CCDC88C: variants seen among roughly 807,000 people sequenced by gnomAD.
The protein encoded by CCDC88C is protein Daple.
Under a neutral mutation model 198.8 loss-of-function variants are expected in CCDC88C, and 131 were observed. That is an observed-to-expected ratio of 0.66 (90% CI 0.57 to 0.76). The LOEUF is 0.76. CCDC88C is among the 30% of genes least tolerant of loss of function. CCDC88C has a pLI of 0.00. For missense variants in CCDC88C, 2,553 were observed against 2,631.6 expected, an observed-to-expected ratio of 0.97 and a Z score of 0.65; for synonymous variants, 1,166 against 1,114.7, an observed-to-expected ratio of 1.05 and a Z score of -0.92.
chr14:91,340,305 G>T (rs1345544411), intron 6 of CCDC88C, among the ~76,000 whole-genome samples: 2 of 151,916 alleles, frequency 1.3e-5, no homozygotes, highest in African/African-American at 4.8e-5. Flanking sequence ...AGGGTCCTGG[G>T]ATAAGATATC....
chr14:91,310,094 G>T, intron 15 of CCDC88C, 108 bp from the exon 16 acceptor site: 1 of 1,142,008 alleles, frequency 8.8e-7, no homozygotes, highest in Non-Finnish European at 1.2e-6. Flanking sequence ...GGCCACGGCT[G>T]CCTCCGTGTG....
intron 10 of CCDC88C, among the ~76,000 whole-genome samples, chr14:91,335,894 C>T (rs1313919491): frequency 2.0e-5 from 3 of 152,130 alleles, no homozygotes; most frequent in African/African-American, 7.2e-5. Context: ...TATGGGCATC[C>T]GAAGGGAGTA....
chr14:91,410,551 A>G lies in CCDC88C; in HGVS notation c.162-1784T>C, dbSNP rs563101940. Among the ~76,000 whole-genome samples the G allele has an allele frequency of 3.9e-5, 6 of 152,366 alleles. No homozygotes were observed. In the South Asian group the frequency reaches 8.3e-4, roughly 21 times the overall value. On this transcript the variant is annotated intron_variant, in intron 2 of 29. Coordinates refer to ENST00000389857, the MANE Select transcript of CCDC88C (RefSeq NM_001080414.4). ...TTACATGTTTCTCTTGGAGTCATGCATAACTGAGAAAATAAAGGTTAAGAG... is the reference window on the plus strand; with the variant it reads ...TTACATGTTTCTCTTGGAGTCATGCGTAACTGAGAAAATAAAGGTTAAGAG...
At position 91,339,348 on chromosome 14, in the gene CCDC88C, C is replaced by T. The variant is rs750472814; in HGVS notation, c.739G>A (p.Glu247Lys). The T allele has an allele frequency of 3.2e-5, 52 of 1,613,700 alleles. No homozygotes were observed. The highest frequency in any genetic ancestry group is 1.9e-4 in the African/African-American group (14 of 74,918). Residue 247 changes from glutamate (E) to lysine (K), a missense_variant, in exon 8 of 30, where the codon GAA (glutamate) becomes AAA (lysine). Coordinates refer to ENST00000389857, the MANE Select transcript of CCDC88C (RefSeq NM_001080414.4). The surrounding 1 kb of genome is among the most constrained non-coding windows in gnomAD (Gnocchi z 5.8). ...TCTACGGCCAGGTGCTGCTTGTCTT[C>T]GCTAGAGAGGCTGCTGGTGGGGCTG... is the stretch of plus-strand genomic sequence containing the variant. ...TPSPTSSLSSEDKQHLAVELA... is the reference protein window; with the variant it reads ...TPSPTSSLSSKDKQHLAVELA...
chr14:91,388,649 C>T (rs1885295946), intron 3 of CCDC88C, among the ~76,000 whole-genome samples: 1 of 152,246 alleles, frequency 6.6e-6, no homozygotes, highest in South Asian at 2.1e-4. Context: ...AGCGAGCTGT[C>T]AGCCACTCGC....
rs1885276895 is a variant in CCDC88C at position 91,388,349 on chromosome 14, A to T, written c.270+20310T>A. 3.9e-5 allele frequency among the ~76,000 whole-genome samples: 6 copies of T among 152,248 alleles called. No individual in the cohort carries two copies. In the South Asian group the frequency reaches 1.2e-3, roughly 32 times the overall value. On this transcript the variant is annotated intron_variant, in intron 3 of 29. Coordinates refer to ENST00000389857, the MANE Select transcript of CCDC88C (RefSeq NM_001080414.4). ...TCCACCTCCCATGTAAAATGAGGGG[A>T]CTGGGCCTCGTGGCTCTAGGCTGCC...
intron 2 of CCDC88C, among the ~76,000 whole-genome samples, chr14:91,411,106 T>C (rs975749015): frequency 7.9e-5 from 12 of 152,218 alleles, no homozygotes; most frequent in African/African-American, 2.7e-4. Flanking sequence ...CCGTGATTAT[T>C]ACGACTCCCT....
In CCDC88C at chr14:91,338,430, T is replaced by A; in HGVS notation, c.891+59A>T. The stretch of plus-strand genomic sequence containing the variant: ...TGAGCTCCTGACCCTCCAGGCCCCG[T>A]TACTGGACACTCCAGCCCTGCTACC... On this transcript the variant is annotated intron_variant, in intron 9 of 29. Transcript: ENST00000389857. The surrounding 1 kb of genome is among the most constrained non-coding windows in gnomAD (Gnocchi z 4.8). 1.4e-6 allele frequency: 2 copies of A among 1,436,998 alleles called. No homozygotes were observed. The highest frequency in any genetic ancestry group is 1.9e-6 in the Non-Finnish European group (2 of 1,043,090). 89.0% of individuals were successfully genotyped at this position (1,436,998 alleles called of 1,614,324 possible). A position where few individuals can be genotyped will look rare whatever the true frequency, so the allele number is the denominator to read the frequency against.
intron 14 of CCDC88C, among the ~76,000 whole-genome samples, 199 bp from the exon 15 acceptor site, chr14:91,314,349 G>C (rs1172745866): frequency 6.6e-6 from 1 of 152,204 alleles, no homozygotes; most frequent in African/African-American, 2.4e-5. Flanking sequence ...GTTCAAGTCA[G>C]AATACACTCA....
intron 3 of CCDC88C, among the ~76,000 whole-genome samples, chr14:91,375,558 G>A (rs371291417): frequency 1.3e-5 from 2 of 152,022 alleles, no homozygotes; most frequent in Non-Finnish European, 2.9e-5. Context: ...GCACAGACCC[G>A]CCCCGGCACC....
At position 91,309,886 on chromosome 14, in the gene CCDC88C, A is replaced by C. The variant is rs780249738; in HGVS notation, c.2837T>G (p.Leu946Trp). 5.6e-6 allele frequency: 9 copies of C among 1,611,874 alleles called. No individual in the cohort carries two copies. The African/African-American group carries it at 6.7e-5, about 12-fold the overall frequency. The change falls in exon 16 of 30, where the codon TTG becomes TGG. Residue 946 changes from leucine (L) to tryptophan (W), a missense_variant. This residue lies in a region of CCDC88C where 1,260 missense variants were observed against 1,412.0 expected (regional missense o/e 0.89). Coordinates refer to ENST00000389857, the MANE Select transcript of CCDC88C (RefSeq NM_001080414.4). ...EKVGLNRELL[L>W]QEDDSGSDTK... ...GTCACTGCCGCTGTCGTCCTCCTGC[A>C]ACAGCAGCTCCCTGTTGAGGCCGAC...
In CCDC88C at chr14:91,339,198, C is replaced by T. The variant is rs1052473305; in HGVS notation, c.809+80G>A. The stretch of plus-strand genomic sequence containing the variant: ...CACGTCAGAGCTGTGCCATTGGCAG[C>T]ACCACACATGTGAGTCGACACCACA... On this transcript the variant is annotated intron_variant, in intron 8 of 29. Coordinates refer to ENST00000389857, the MANE Select transcript of CCDC88C (RefSeq NM_001080414.4). This position sits in a 1 kb window ranked among gnomAD's most constrained non-coding sequence, Gnocchi z 5.8. The T allele has an allele frequency of 2.6e-6, 4 of 1,517,690 alleles. No individual in the cohort carries two copies. Among genetic ancestry groups the T allele is most frequent in the African/African-American group, 2.7e-5 (2 of 72,996 alleles). 94.0% of individuals were successfully genotyped at this position (1,517,690 alleles called of 1,614,324 possible).
Position 91,324,913 on chromosome 14 carries a change from G to A in CCDC88C, c.1208C>T (p.Thr403Ile), listed in dbSNP as rs1187646056. Reference protein sequence around the residue: ...KLHDLELDRDTDKKRIEELLE... With the variant: ...KLHDLELDRDIDKKRIEELLE... ...CAGCTCCTCAATTCGTTTCTTATCT[G>A]TGTCCCGGTCCTGGGGCAAGCAAGA... Residue 403 changes from threonine (T) to isoleucine (I), a missense_variant, in exon 12 of 30, where the codon ACA (threonine) becomes ATA (isoleucine). Physicochemically the swap from Thr to Ile is moderately conservative, Grantham distance 89 (BLOSUM62 -1). This residue lies in a region of CCDC88C where 1,260 missense variants were observed against 1,412.0 expected (regional missense o/e 0.89). Coordinates refer to ENST00000389857, the MANE Select transcript of CCDC88C (RefSeq NM_001080414.4). 2 of 1,613,648 alleles carry A rather than the reference G, an allele frequency of 1.2e-6. No homozygotes were observed. Among genetic ancestry groups the A allele is most frequent in the African/African-American group, 2.7e-5 (2 of 75,054 alleles).
At chr14:91,317,174 G>A (rs1161618353) in intron 13 of CCDC88C, among the ~76,000 whole-genome samples, 1 of 152,230 alleles carries the variant, frequency 6.6e-6, no homozygotes, top group Non-Finnish European at 1.5e-5. Flanking sequence ...ACAGAGGAGG[G>A]AGGGGGCTTC....
At position 91,291,176 on chromosome 14, in the gene CCDC88C, C is replaced by T. The variant is rs138073702; in HGVS notation, c.4113-92G>A. 3.7e-3 allele frequency: 2,703 copies of T among 730,798 alleles called. 47 individuals are homozygous for T. In the African/African-American group the frequency reaches 0.037, roughly 10 times the overall value. 45.3% of individuals were successfully genotyped at this position (730,798 alleles called of 1,614,324 possible). A position where few individuals can be genotyped will look rare whatever the true frequency, so the allele number is the denominator to read the frequency against. On this transcript the variant is annotated intron_variant, in intron 23 of 29. Transcript: ENST00000389857. ...GGCCCAGCCTGGAACCTGGTGTACC[C>T]GGGGCTGGTATTTTTCCAGGATTGA...
chr14:91,348,935 A>T (rs1445823671), intron 4 of CCDC88C, among the ~76,000 whole-genome samples: 1 of 152,232 alleles, frequency 6.6e-6, no homozygotes, highest in East Asian at 1.9e-4. Context: ...ATTTTTTTTT[A>T]AAAAGCGCCC....
chr14:91,390,103 A>T (rs532631390), intron 3 of CCDC88C, among the ~76,000 whole-genome samples: 1 of 152,256 alleles, frequency 6.6e-6, no homozygotes, highest in Non-Finnish European at 1.5e-5. Flanking sequence ...GGATAAAAAA[A>T]AAAAAGAGAA....
At chr14:91,283,261 A>G in intron 26 of CCDC88C, 68 bp downstream of exon 26, 1 of 1,494,414 alleles carries the variant, frequency 6.7e-7, no homozygotes, top group South Asian at 1.2e-5. Flanking sequence ...CTGATTTCCG[A>G]GAGCCTGGGG....
chr14:91,313,880 T>C lies in CCDC88C; in HGVS notation c.1936A>G (p.Arg646Gly). ...ELQRLQEENG[R>G]LARKVTSLET... is the part of the protein sequence containing the mutation. ...AGGGAGGTCACCTTCCTGGCCAGCC[T>C]CCCGTTCTCCTCCTGGAGTCGCTGT... is the stretch of plus-strand genomic sequence containing the variant. Residue 646 changes from arginine to glycine, a missense_variant, in exon 15 of 30, where the codon AGG becomes GGG. Coordinates refer to ENST00000389857, the MANE Select transcript of CCDC88C (RefSeq NM_001080414.4). This position sits in a 1 kb window ranked among gnomAD's most constrained non-coding sequence, Gnocchi z 5.2. 1 of 1,608,276 alleles carries C rather than the reference T, an allele frequency of 6.2e-7. No homozygotes were observed. The highest frequency in any genetic ancestry group is 8.5e-7 in the Non-Finnish European group (1 of 1,178,340).
Sources: gnomAD v4.1 joint callset for allele counts (sites outside exome capture counted in the v4.1 genomes callset) on GRCh38, gnomAD v4.1.1 for gene constraint, gnomAD v4.1.1 regional missense constraint, Gnocchi (gnomAD v3.1) non-coding constraint, MANE v1.5 for transcripts, NCBI Gene and HGNC (gene_info 2026-07-23, HGNC 2026-07-21) for gene names.